AAMP: variants seen among roughly 807,000 people sequenced by gnomAD.
AAMP encodes the protein angio associated migratory cell protein.
AAMP carries 12 observed loss-of-function variants against 51.1 expected under a neutral mutation model. The observed-to-expected ratio is 0.23, with a 90% CI of 0.15 to 0.38. The LOEUF (loss-of-function observed/expected upper bound fraction) is 0.38. Ranked by LOEUF, AAMP falls within the 10% of genes least tolerant of loss-of-function variation. The pLI is 1.00. For synonymous variants in AAMP, 210 were observed against 218.7 expected, an observed-to-expected ratio of 0.96 and a Z score of 0.35; for missense variants, 418 against 557.2, an observed-to-expected ratio of 0.75 and a Z score of 2.52.
chr2:218,269,327 T>C, intron 2 of AAMP, 55 bp downstream of exon 2: 1 of 1,607,928 alleles, frequency 6.2e-7, no homozygotes, highest in Non-Finnish European at 8.5e-7. Context: ...GGCTGATGTT[T>C]AATGCTTACA....
chr2:218,266,559 A>G lies in AAMP; in HGVS notation c.563T>C (p.Val188Ala). The change falls in exon 5 of 11, where the codon GTC becomes GCC. Residue 188 changes from valine to alanine, a missense_variant. Coordinates refer to ENST00000248450, the MANE Select transcript of AAMP (RefSeq NM_001087.5). The surrounding 1 kb of genome is among the most constrained non-coding windows in gnomAD (Gnocchi z 4.7). ...EWMEWHPRAP[V>A]LLAGTADGNT... The stretch of plus-strand genomic sequence containing the variant: ...GCCGTCAGCTGTGCCCGCCAACAGG[A>G]CAGGTGCCCGAGGATGCCACTCCAT... The G allele has an allele frequency of 6.2e-7, 1 of 1,613,616 alleles. No homozygotes were observed. The highest frequency in any genetic ancestry group is 8.5e-7 in the Non-Finnish European group (1 of 1,179,882).
Position 218,266,853 on chromosome 2 carries a change from G to A in AAMP, c.528C>T (p.Asp176=). 6.2e-7 allele frequency: 1 copy of A among 1,613,994 alleles called. No homozygotes were observed. The change falls in exon 4 of 11, where the codon GAC becomes GAT. Residue 176 remains aspartate (D), a synonymous_variant. Coordinates refer to ENST00000248450, the MANE Select transcript of AAMP (RefSeq NM_001087.5). This position sits in a 1 kb window ranked among gnomAD's most constrained non-coding sequence, Gnocchi z 4.7. The part of the protein sequence containing the change: ...KEEVWSFEAG[D]LEWMEWHPRA... ...CCCGCTCTGATGATCTTACCTCCAG[G>A]TCTCCCGCTTCAAAGGACCAGACCT... is the stretch of plus-strand genomic sequence containing the variant.
chr2:218,269,540 TTGGGGAGAGGGTTAGAAGA>T lies in AAMP; in HGVS notation c.122-25_122-7del, dbSNP rs1559494452. The T allele has an allele frequency of 6.2e-7, 1 of 1,613,916 alleles. No individual in the cohort carries two copies. The highest frequency in any genetic ancestry group is 1.1e-5 in the South Asian group (1 of 91,074). ...CATCTCCTGGGCCAGGTCATCTGCT[TTGGGGAGAGGGTTAGAAGA>T]TGGGGCTCGGGAGGCGGTAAGAGGT... On this transcript the variant is annotated splice_polypyrimidine_tract_variant and splice_region_variant and intron_variant, in intron 1 of 10. Transcript: ENST00000248450.
chr2:218,267,489 C>A lies in AAMP; in HGVS notation c.394+5G>T. ...TCTCCCAGGCCTCTACCCCAGCCCC[C>A]TCACCTGCACACTCAAAGAGCAGCT... is the stretch of plus-strand genomic sequence containing the variant. On this transcript the variant is annotated splice_donor_5th_base_variant and intron_variant, in intron 3 of 10. Coordinates refer to ENST00000248450, the MANE Select transcript of AAMP (RefSeq NM_001087.5). The surrounding 1 kb of genome is among the most constrained non-coding windows in gnomAD (Gnocchi z 4.6). 6.2e-7 allele frequency: 1 copy of A among 1,614,172 alleles called. No individual in the cohort carries two copies. The highest frequency in any genetic ancestry group is 8.5e-7 in the Non-Finnish European group (1 of 1,180,032).
intron 1 of AAMP, 29 bp from the exon 2 acceptor site, chr2:218,269,563 G>C: frequency 6.2e-7 from 1 of 1,614,046 alleles, no homozygotes; most frequent in Non-Finnish European, 8.5e-7. Context: ...TAGAAGATGG[G>C]GCTCGGGAGG....
At chr2:218,268,359 G>A (rs1690684658) in intron 2 of AAMP, among the ~76,000 whole-genome samples, 1 of 151,358 alleles carries the variant, frequency 6.6e-6, no homozygotes, top group Non-Finnish European at 1.5e-5. Flanking sequence ...ATTTTTTTGA[G>A]ATGGAATCTT....
chr2:218,265,491 A>C lies in AAMP; in HGVS notation c.984-30T>G. On this transcript the variant is annotated intron_variant, in intron 8 of 10. Transcript: ENST00000248450. The surrounding 1 kb of genome is among the most constrained non-coding windows in gnomAD (Gnocchi z 6.6). ...CCAGAGGAGCGTACCATGAAGACTC[A>C]TGAGGGCCTGGACTCACACGCCCTG... 1.3e-6 allele frequency: 2 copies of C among 1,574,332 alleles called. No homozygotes were observed. Among genetic ancestry groups the C allele is most frequent in the African/African-American group, 1.3e-5 (1 of 74,112 alleles).
At chr2:218,268,008 G>A (rs4674279) in intron 2 of AAMP, among the ~76,000 whole-genome samples, 53,840 of 151,946 alleles carry the variant, frequency 0.35, 9,965 homozygotes, top group Middle Eastern at 0.5. Flanking sequence ...TTGCTCTGTC[G>A]CCCAGGCTGG....
At position 218,264,354 on chromosome 2, in the gene AAMP, C is replaced by A. The variant is rs978924910; in HGVS notation, c.*179G>T. 23 of 633,424 alleles carry A rather than the reference C, an allele frequency of 3.6e-5. No individual in the cohort carries two copies. Among genetic ancestry groups the A allele is most frequent in the Middle Eastern group, 4.3e-4 (1 of 2,324 alleles). 39.2% of individuals were successfully genotyped at this position (633,424 alleles called of 1,614,324 possible). On this transcript the variant is annotated 3_prime_UTR_variant, in exon 11 of 11. Transcript: ENST00000248450. ...AGGTCTGGACAAGGGTGGGAGGGCC[C>A]TGGGCTGGGTCTCTAAAGAGAAGAA... is the stretch of plus-strand genomic sequence containing the variant.
intron 1 of AAMP, 34 bp downstream of exon 1, chr2:218,269,932 C>G: frequency 6.2e-7 from 1 of 1,613,696 alleles, no homozygotes; most frequent in Non-Finnish European, 8.5e-7. Context: ...GTGAGCGTCT[C>G]CTGTCCCATG....
Position 218,267,702 on chromosome 2 carries a change from C to G in AAMP, c.275-89G>C. The stretch of plus-strand genomic sequence containing the variant: ...AATCTTCAGGAAACCCACCCCCTTT[C>G]ACCCAAAGCGTGTCTTTCCTCCTGG... On this transcript the variant is annotated intron_variant, in intron 2 of 10. Coordinates refer to ENST00000248450, the MANE Select transcript of AAMP (RefSeq NM_001087.5). The surrounding 1 kb of genome is among the most constrained non-coding windows in gnomAD (Gnocchi z 4.6). 6.5e-7 allele frequency: 1 copy of G among 1,534,292 alleles called. No homozygotes were observed. Among genetic ancestry groups the G allele is most frequent in the Non-Finnish European group, 9.0e-7 (1 of 1,116,506 alleles).
At chr2:218,269,622 G>T (rs749295104) in intron 1 of AAMP, 88 bp from the exon 2 acceptor site, 1 of 1,602,518 alleles carries the variant, frequency 6.2e-7, no homozygotes, top group Non-Finnish European at 8.5e-7. Context: ...GCTGGGGCGG[G>T]TCATGTGGCG....
At chr2:218,269,856 A>G (rs1574613627) in intron 1 of AAMP, 110 bp downstream of exon 1, 1 of 1,504,432 alleles carries the variant, frequency 6.6e-7, no homozygotes, top group East Asian at 2.3e-5. Context: ...GGGAAGAGGG[A>G]TATCGGTAGG....
chr2:218,264,609 CTG>C lies in AAMP; in HGVS notation c.1230-3_1230-2del, dbSNP rs776854825. 17 of 1,613,940 alleles carry C rather than the reference CTG, an allele frequency of 1.1e-5. No individual in the cohort carries two copies. Among genetic ancestry groups the C allele is most frequent in the Non-Finnish European group, 1.4e-5 (17 of 1,179,892 alleles). On this transcript the variant is annotated splice_acceptor_variant and splice_polypyrimidine_tract_variant and intron_variant, in intron 10 of 10. Transcript: ENST00000248450. LOFTEE classifies it high-confidence loss of function. ...CGTGGTCACCACCAGGGAGGCATCT[CTG>C]TAAACAGAAAGCATGTGATTGCAGA...
intron 2 of AAMP, among the ~76,000 whole-genome samples, chr2:218,268,412 CA>C (rs1690686385): frequency 6.6e-6 from 1 of 152,154 alleles, no homozygotes; most frequent in Admixed American, 6.5e-5. Context: ...AATCTCAGCT[CA>C]ATGCAACCTC....
In AAMP at chr2:218,270,098, G is replaced by T. The variant is rs371723693; in HGVS notation, c.-12C>A. The stretch of plus-strand genomic sequence containing the variant: ...GATTCGGACTCCATGCGGCGCAAGC[G>T]GCGGATCCACTTCTCTGGGCCCAAA... On this transcript the variant is annotated 5_prime_UTR_variant, in exon 1 of 11. Coordinates refer to ENST00000248450, the MANE Select transcript of AAMP (RefSeq NM_001087.5). The T allele has an allele frequency of 6.2e-7, 1 of 1,613,522 alleles. No homozygotes were observed. The highest frequency in any genetic ancestry group is 8.5e-7 in the Non-Finnish European group (1 of 1,179,780).
Position 218,265,096 on chromosome 2 carries a change from A to C in AAMP, c.1153T>G (p.Trp385Gly). 1 of 1,613,342 alleles carries C rather than the reference A, an allele frequency of 6.2e-7. No homozygotes were observed. The highest frequency in any genetic ancestry group is 1.3e-5 in the African/African-American group (1 of 75,068). ...TCSLDGIVRL[W>G]DARTGRLLTD... ...AGCAGGCGGCCGGTCCGGGCGTCCC[A>C]GAGGCGCACGATGCCATCCAGGCTG... Residue 385 changes from tryptophan to glycine, a missense_variant, in exon 10 of 11, where the codon TGG becomes GGG. Trp to Gly is a radical substitution (Grantham distance 184). Coordinates refer to ENST00000248450, the MANE Select transcript of AAMP (RefSeq NM_001087.5). This position sits in a 1 kb window ranked among gnomAD's most constrained non-coding sequence, Gnocchi z 6.6.
chr2:218,264,243 C>G lies in AAMP; in HGVS notation c.*290G>C. 2.2e-6 allele frequency: 1 copy of G among 457,946 alleles called. No homozygotes were observed. The highest frequency in any genetic ancestry group is 3.5e-5 in the South Asian group (1 of 28,868). The allele number at this position is 457,946 out of a possible 1,614,324, so 28.4% of individuals were successfully genotyped here. A position where few individuals can be genotyped will look rare whatever the true frequency, so the allele number is the denominator to read the frequency against. ...ACGGGAACCTCAAACACCTACTCCC[C>G]ACATACAAATACACACCCCATGGCT... On this transcript the variant is annotated 3_prime_UTR_variant, in exon 11 of 11. Transcript: ENST00000248450.
At position 218,267,353 on chromosome 2, in the gene AAMP, G is replaced by A. The variant is rs1184113897; in HGVS notation, c.394+141C>T. 16 of 1,275,864 alleles carry A rather than the reference G, an allele frequency of 1.3e-5. No homozygotes were observed. Among genetic ancestry groups the A allele is most frequent in the East Asian group, 4.7e-5 (2 of 42,912 alleles). The allele number at this position is 1,275,864 out of a possible 1,614,324, so 79.0% of individuals were successfully genotyped here. A position where few individuals can be genotyped will look rare whatever the true frequency, so the allele number is the denominator to read the frequency against. ...CCCAAAACACACTAGTATTCGCCCC[G>A]TGTCCCTGGGGCCCAGCACAGAGCT... On this transcript the variant is annotated intron_variant, in intron 3 of 10. Coordinates refer to ENST00000248450, the MANE Select transcript of AAMP (RefSeq NM_001087.5). The surrounding 1 kb of genome is among the most constrained non-coding windows in gnomAD (Gnocchi z 4.6).
Sources: gnomAD v4.1 joint callset for allele counts (sites outside exome capture counted in the v4.1 genomes callset) on GRCh38, gnomAD v4.1.1 for gene constraint, Gnocchi (gnomAD v3.1) non-coding constraint, MANE v1.5 for transcripts, NCBI Gene and HGNC (gene_info 2026-07-23, HGNC 2026-07-21) for gene names.